FOXN4: variants seen among roughly 807,000 people sequenced by gnomAD.
The protein encoded by FOXN4 is forkhead box N4, also known as forkhead box protein N4.
In FOXN4, 12 loss-of-function variants were observed where a neutral mutation model predicts 45.0. That is an observed-to-expected ratio of 0.27 (90% CI 0.17 to 0.43). The LOEUF (loss-of-function observed/expected upper bound fraction) is 0.43, where lower values mean the gene tolerates loss of function less well. Among genes scored for constraint, FOXN4 ranks in the 20% least tolerant of loss-of-function variants. FOXN4 has a pLI of 1.00. For synonymous variants in FOXN4, 297 were observed against 295.0 expected, an observed-to-expected ratio of 1.01 and a Z score of -0.07; for missense variants, 560 against 694.9, an observed-to-expected ratio of 0.81 and a Z score of 2.18.
intron 2 of FOXN4, among the ~76,000 whole-genome samples, chr12:109,296,069 G>A (rs141816465): frequency 5.5e-4 from 83 of 152,250 alleles, no homozygotes; most frequent in Admixed American, 3.5e-3. Flanking sequence ...CTGACATGGC[G>A]TCCAGGGTCC....
At chr12:109,297,250 G>T (rs1318595143) in intron 2 of FOXN4, among the ~76,000 whole-genome samples, 1 of 152,284 alleles carries the variant, frequency 6.6e-6, no homozygotes, top group Non-Finnish European at 1.5e-5. Context: ...CAGATCAGCA[G>T]CGGCATTAGA....
chr12:109,295,658 C>T (rs1416490377), intron 2 of FOXN4, among the ~76,000 whole-genome samples: 8 of 152,314 alleles, frequency 5.3e-5, no homozygotes, highest in Non-Finnish European at 7.4e-5. Flanking sequence ...CGGCGGCGTG[C>T]GCCTGTAATC....
chr12:109,284,417 G>A (rs1037868961), intron 8 of FOXN4, among the ~76,000 whole-genome samples: 2 of 152,232 alleles, frequency 1.3e-5, no homozygotes, highest in South Asian at 2.1e-4. Context: ...GGGCTGGGAG[G>A]AGGGGCGCGT....
At chr12:109,285,603 C>A in intron 7 of FOXN4, 92 bp from the exon 8 acceptor site, 7 of 1,332,842 alleles carry the variant, frequency 5.3e-6, no homozygotes, top group South Asian at 1.2e-5. Flanking sequence ...GGCAGGACAC[C>A]GCGGTGGCAG....
At chr12:109,303,026 G>C (rs2047882012) in intron 2 of FOXN4, among the ~76,000 whole-genome samples, 1 of 152,246 alleles carries the variant, frequency 6.6e-6, no homozygotes. Flanking sequence ...CCAAGGGTCA[G>C]TGTAGTGTGA....
intron 2 of FOXN4, among the ~76,000 whole-genome samples, chr12:109,298,266 A>C (rs548059270): frequency 8.4e-4 from 127 of 151,638 alleles, no homozygotes; most frequent in African/African-American, 2.9e-3. Flanking sequence ...CGAGGGGATG[A>C]ACTGCCAGGC....
At chr12:109,301,648 T>G (rs757163993) in intron 2 of FOXN4, among the ~76,000 whole-genome samples, 1 of 152,260 alleles carries the variant, frequency 6.6e-6, no homozygotes, top group Non-Finnish European at 1.5e-5. Context: ...AAATGATCTC[T>G]CCTGCAAGAG....
At chr12:109,299,475 A>G (rs1432394470) in intron 2 of FOXN4, among the ~76,000 whole-genome samples, 1 of 152,110 alleles carries the variant, frequency 6.6e-6, no homozygotes. Flanking sequence ...CCTTTAACAG[A>G]TAGGAAAGGT....
At position 109,307,191 on chromosome 12, in the gene FOXN4, G is replaced by A. The variant is rs150282139; in HGVS notation, c.86+1045C>T. The stretch of plus-strand genomic sequence containing the variant: ...CAGCCTCCCTCTAATTGCGGGCTGC[G>A]GTCTGTCCCAGCAGGCACTCCTGGT... On this transcript the variant is annotated intron_variant, in intron 2 of 9. Transcript: ENST00000299162. Among the ~76,000 whole-genome samples, 583 of 152,320 alleles carry A rather than the reference G, an allele frequency of 3.8e-3. 2 individuals are homozygous for A. The highest frequency in any genetic ancestry group is 0.011 in the African/African-American group (468 of 41,570).
In FOXN4 at chr12:109,291,949, C is replaced by G. The variant is rs1473095247; in HGVS notation, c.87-1663G>C. Among the ~76,000 whole-genome samples the G allele has an allele frequency of 6.7e-6, 1 of 148,980 alleles. No homozygotes were observed. Among genetic ancestry groups the G allele is most frequent in the Admixed American group, 6.6e-5 (1 of 15,128 alleles). ...GCTGCCACCCCTCCGGCCGCCACCC[C>G]TCCGGCTGCCACCCCTCCGGCCTGC... On this transcript the variant is annotated intron_variant, in intron 2 of 9. Transcript: ENST00000299162. The surrounding 1 kb of genome is among the most constrained non-coding windows in gnomAD (Gnocchi z 6.6).
At chr12:109,292,383 G>T (rs1219110663) in intron 2 of FOXN4, among the ~76,000 whole-genome samples, 2 of 152,150 alleles carry the variant, frequency 1.3e-5, no homozygotes, top group African/African-American at 4.8e-5. Context: ...CTGGCAGCAG[G>T]TAAACCTAAC....
intron 2 of FOXN4, among the ~76,000 whole-genome samples, 154 bp downstream of exon 2, chr12:109,308,082 G>T (rs780985003): frequency 3.9e-5 from 6 of 152,138 alleles, no homozygotes; most frequent in Non-Finnish European, 5.9e-5. Flanking sequence ...CCCTTAGCAA[G>T]ACCAACATTG....
chr12:109,308,308 T>TC lies in FOXN4; in HGVS notation c.13dup (p.Asp5GlyfsTer33). On this transcript the variant is annotated frameshift_variant, in exon 2 of 10. Transcript: ENST00000299162. LOFTEE classifies it high-confidence loss of function. ...AATTCCTGACATTATGGATGAGGTG[T>TC]CACTTTCTATCATCTCCTTGGGAAA... 6.4e-7 allele frequency: 1 copy of TC among 1,551,540 alleles called. No homozygotes were observed. The highest frequency in any genetic ancestry group is 8.7e-7 in the Non-Finnish European group (1 of 1,146,758).
In FOXN4 at chr12:109,287,447, T is replaced by G; in HGVS notation, c.546A>C (p.Ser182=). The G allele has an allele frequency of 1.3e-6, 2 of 1,551,324 alleles. No individual in the cohort carries two copies. Among genetic ancestry groups the G allele is most frequent in the Non-Finnish European group, 1.7e-6 (2 of 1,146,838 alleles). The change falls in exon 6 of 10, where the codon TCA becomes TCC. Residue 182 remains serine, a synonymous_variant. Transcript: ENST00000299162. This position sits in a 1 kb window ranked among gnomAD's most constrained non-coding sequence, Gnocchi z 4.1. The part of the protein sequence containing the change: ...PYPQPHVAVH[S]SQELHPKHYP... ...AGTGTTTGGGGTGCAGTTCTTGAGA[T>G]GAATGCACAGCCACGTGGGGCTGGG...
At chr12:109,282,401 T>C (rs2047661279) in intron 8 of FOXN4, among the ~76,000 whole-genome samples, 1 of 152,030 alleles carries the variant, frequency 6.6e-6, no homozygotes, top group Admixed American at 6.6e-5. Flanking sequence ...TAAGACATGA[T>C]TGCACTACTG....
chr12:109,295,699 T>C (rs1371813120), intron 2 of FOXN4, among the ~76,000 whole-genome samples: 1 of 152,206 alleles, frequency 6.6e-6, no homozygotes, highest in African/African-American at 2.4e-5. Context: ...GGCAGGAGAA[T>C]TGCTTGAACC....
chr12:109,295,100 AG>A (rs1207989666), intron 2 of FOXN4, among the ~76,000 whole-genome samples: 1 of 152,156 alleles, frequency 6.6e-6, no homozygotes, highest in East Asian at 1.9e-4. Context: ...TAATAGTAAT[AG>A]CCGCAATACC....
At chr12:109,289,220 T>G (rs1175707763) in intron 3 of FOXN4, among the ~76,000 whole-genome samples, 1 of 152,236 alleles carries the variant, frequency 6.6e-6, no homozygotes, top group Non-Finnish European at 1.5e-5. Context: ...CTGGGCGTTC[T>G]AGATCAGGGG....
At chr12:109,299,098 G>A (rs891032640) in intron 2 of FOXN4, among the ~76,000 whole-genome samples, 1 of 152,094 alleles carries the variant, frequency 6.6e-6, no homozygotes, top group East Asian at 1.9e-4. Context: ...CTCAAACTAC[G>A]TGGGTGATCT....
Sources: gnomAD v4.1 joint callset for allele counts (sites outside exome capture counted in the v4.1 genomes callset) on GRCh38, gnomAD v4.1.1 for gene constraint, Gnocchi (gnomAD v3.1) non-coding constraint, MANE v1.5 for transcripts, NCBI Gene and HGNC (gene_info 2026-07-23, HGNC 2026-07-21) for gene names.